The following DYNC1I2 variants were observed in gnomAD, a reference collection of about 807,000 sequenced individuals.
DYNC1I2 encodes dynein cytoplasmic 1 intermediate chain 2, also known as cytoplasmic dynein 1 intermediate chain 2.
Under a neutral mutation model 88.6 loss-of-function variants are expected in DYNC1I2, and 53 were observed. The ratio of observed to expected loss-of-function variants is 0.60; its 90% confidence interval spans 0.48 to 0.75. The LOEUF is 0.75. Among genes scored for constraint, DYNC1I2 ranks in the 30% least tolerant of loss-of-function variants. DYNC1I2 has a pLI of 0.00. For synonymous variants in DYNC1I2, 198 were observed against 254.6 expected, an observed-to-expected ratio of 0.78 and a Z score of 2.12; for missense variants, 458 against 766.6, an observed-to-expected ratio of 0.60 and a Z score of 4.75.
chr2:171,689,595 G>A (rs966658944), intron 1 of DYNC1I2, among the ~76,000 whole-genome samples: 2 of 152,070 alleles, frequency 1.3e-5, no homozygotes, highest in Non-Finnish European at 2.9e-5. Context: ...TTGTGTATGC[G>A]AACATTAAAG....
chr2:171,710,665 A>G lies in DYNC1I2; in HGVS notation c.336-2102A>G, dbSNP rs572676257. Among the ~76,000 whole-genome samples, 9 of 151,518 alleles carry G rather than the reference A, an allele frequency of 5.9e-5. No individual in the cohort carries two copies. In the South Asian group the frequency reaches 1.9e-3, roughly 32 times the overall value. ...CTCAAAAATTTAGGAACAATTATTC[A>G]GTGGGGTAATCCAGGCCTCTTGTTC... is the stretch of plus-strand genomic sequence containing the variant. On this transcript the variant is annotated intron_variant, in intron 5 of 17. Coordinates refer to ENST00000397119, the MANE Select transcript of DYNC1I2 (RefSeq NM_001378.3).
intron 7 of DYNC1I2, among the ~76,000 whole-genome samples, chr2:171,723,489 T>A (rs1377555989): frequency 6.6e-6 from 1 of 152,220 alleles, no homozygotes; most frequent in Admixed American, 6.5e-5. Flanking sequence ...TTAAACTATT[T>A]TGTTACATTA....
chr2:171,711,517 A>G (rs1228054066), intron 5 of DYNC1I2, among the ~76,000 whole-genome samples: 1 of 152,224 alleles, frequency 6.6e-6, no homozygotes, highest in African/African-American at 2.4e-5. Context: ...GAGCTCTTAC[A>G]TAATGTAAAT....
intron 15 of DYNC1I2, among the ~76,000 whole-genome samples, chr2:171,743,828 A>G (rs1167407340): frequency 2.0e-5 from 3 of 152,216 alleles, no homozygotes; most frequent in Non-Finnish European, 2.9e-5. Flanking sequence ...TATGGCATCT[A>G]CAAGTTAAAA....
At chr2:171,702,705 C>T (rs914982730) in intron 3 of DYNC1I2, among the ~76,000 whole-genome samples, 1 of 151,166 alleles carries the variant, frequency 6.6e-6, no homozygotes, top group African/African-American at 2.4e-5. Flanking sequence ...CTAATCAAAC[C>T]TCTCATAACT....
At chr2:171,710,872 T>G (rs559453750) in intron 5 of DYNC1I2, among the ~76,000 whole-genome samples, 1 of 150,560 alleles carries the variant, frequency 6.6e-6, no homozygotes, top group Non-Finnish European at 1.5e-5. Flanking sequence ...CCAGCTACTT[T>G]TTTTTTTTTT....
At chr2:171,689,565 T>G (rs1174077175) in intron 1 of DYNC1I2, among the ~76,000 whole-genome samples, 2 of 152,214 alleles carry the variant, frequency 1.3e-5, no homozygotes, top group Non-Finnish European at 2.9e-5. Flanking sequence ...CATCAAAAAC[T>G]TTGAGACATT....
chr2:171,746,366 T>G (rs1324440374), intron 17 of DYNC1I2, among the ~76,000 whole-genome samples: 1 of 152,210 alleles, frequency 6.6e-6, no homozygotes, highest in Non-Finnish European at 1.5e-5. Flanking sequence ...TCTTGACTCT[T>G]AAGCCTTGAT....
chr2:171,728,510 A>G (rs1369413746), intron 13 of DYNC1I2, 92 bp downstream of exon 13: 11 of 863,002 alleles, frequency 1.3e-5, no homozygotes, highest in Non-Finnish European at 1.8e-5. Context: ...AAACTGTTTT[A>G]TAGTAGTGTT....
intron 15 of DYNC1I2, among the ~76,000 whole-genome samples, chr2:171,736,395 T>C (rs1168407856): frequency 6.6e-6 from 1 of 152,176 alleles, no homozygotes; most frequent in Non-Finnish European, 1.5e-5. Context: ...TAATTTACAA[T>C]GAAAAACATA....
At chr2:171,744,309 C>A in intron 16 of DYNC1I2, 120 bp downstream of exon 16, 1 of 1,068,846 alleles carries the variant, frequency 9.4e-7, no homozygotes, top group Non-Finnish European at 1.3e-6. Flanking sequence ...GTAGATTCAT[C>A]ACAAAGAACT....
intron 15 of DYNC1I2, among the ~76,000 whole-genome samples, chr2:171,738,403 G>A (rs1689163384): frequency 6.6e-6 from 1 of 152,080 alleles, no homozygotes; most frequent in African/African-American, 2.4e-5. Flanking sequence ...ATGTTTGTGA[G>A]ATTGATTCAT....
rs188457638 is a variant in DYNC1I2, at chr2:171,732,894, A to G, written c.1536+3041A>G. On this transcript the variant is annotated intron_variant, in intron 15 of 17. Coordinates refer to ENST00000397119, the MANE Select transcript of DYNC1I2 (RefSeq NM_001378.3). ...ACTTTTATTTTACATTCGAAGGTAC[A>G]GGTAAAGGATGTGTGGGTTTGTTAT... Among the ~76,000 whole-genome samples the G allele has an allele frequency of 2.2e-4, 33 of 152,280 alleles. 1 individual carries two copies. The highest frequency in any genetic ancestry group is 1.3e-4 in the Admixed American group (2 of 15,290).
chr2:171,729,811 C>T lies in DYNC1I2; in HGVS notation c.1494C>T (p.Val498=), dbSNP rs761659878. The T allele has an allele frequency of 6.2e-6, 10 of 1,613,724 alleles. No homozygotes were observed. The highest frequency in any genetic ancestry group is 8.5e-6 in the Non-Finnish European group (10 of 1,179,724). Residue 498 remains valine (V), a synonymous_variant, in exon 15 of 18, where the codon GTC becomes GTT. Transcript: ENST00000397119. ...CAGTAGACTTCTCACATCTTTTTGTCACTTCATCGTTTGACTGGACAGTAA... is the reference window on the plus strand; with the variant it reads ...CAGTAGACTTCTCACATCTTTTTGTTACTTCATCGTTTGACTGGACAGTAA... ...VGAVDFSHLF[V]TSSFDWTVKL... is the part of the protein sequence containing the mutation.
chr2:171,714,716 T>C (rs2105599330), intron 6 of DYNC1I2, among the ~76,000 whole-genome samples: 1 of 152,334 alleles, frequency 6.6e-6, no homozygotes, highest in African/African-American at 2.4e-5. Flanking sequence ...AAGTGTAGAA[T>C]ATCTGGACCT....
chr2:171,717,273 C>T (rs1213067126), intron 7 of DYNC1I2, among the ~76,000 whole-genome samples: 1 of 151,724 alleles, frequency 6.6e-6, no homozygotes, highest in African/African-American at 2.4e-5. Flanking sequence ...GCCACCACGC[C>T]CGGCTAATTT....
chr2:171,724,754 A>G (rs1408495185), intron 7 of DYNC1I2, among the ~76,000 whole-genome samples: 3 of 152,362 alleles, frequency 2.0e-5, no homozygotes, highest in Admixed American at 6.5e-5. Context: ...TGTTTAGGCA[A>G]TAAAAATAAA....
intron 10 of DYNC1I2, chr2:171,726,546 T>G (rs1559393042): frequency 3.6e-6 from 2 of 556,274 alleles, no homozygotes; most frequent in Non-Finnish European, 5.9e-6. Context: ...ACCAAATCCT[T>G]TGTGTAAAAT....
intron 15 of DYNC1I2, among the ~76,000 whole-genome samples, chr2:171,741,550 CTA>C (rs1222012178): frequency 3.9e-5 from 6 of 152,080 alleles, no homozygotes; most frequent in Non-Finnish European, 7.3e-5. Flanking sequence ...TACTTATAGG[CTA>C]TTGTAAGCAC....
Sources: allele counts gnomAD v4.1 joint callset (sites outside exome capture counted in the v4.1 genomes callset), GRCh38; gene constraint gnomAD v4.1.1; transcripts MANE v1.5; gene names NCBI Gene and HGNC (gene_info 2026-07-23, HGNC 2026-07-21).